The following MBP variants were observed in gnomAD, a reference collection of about 807,000 sequenced individuals.
The protein encoded by MBP is myelin basic protein.
Under a neutral mutation model 35.8 loss-of-function variants are expected in MBP, and 16 were observed. That is an observed-to-expected ratio of 0.45 (90% CI 0.30 to 0.68). MBP has a LOEUF of 0.68. Among genes scored for constraint, MBP ranks in the 30% least tolerant of loss-of-function variants. The pLI is 0.08. For synonymous variants in MBP, 143 were observed against 159.6 expected, an observed-to-expected ratio of 0.90 and a Z score of 0.78; for missense variants, 380 against 404.7, an observed-to-expected ratio of 0.94 and a Z score of 0.52.
intron 3 of MBP, among the ~76,000 whole-genome samples, chr18:77,051,754 G>C (rs1973497002): frequency 6.6e-6 from 1 of 152,236 alleles, no homozygotes; most frequent in South Asian, 2.1e-4. Context: ...GCAGTGGTGT[G>C]ACAGTGATGG....
intron 2 of MBP, among the ~76,000 whole-genome samples, chr18:77,076,910 G>A (rs566198029): frequency 1.2e-4 from 18 of 152,274 alleles, no homozygotes; most frequent in South Asian, 4.2e-4. Flanking sequence ...ATAGCTTTGC[G>A]ATCAAGGGCA....
In MBP at chr18:77,105,281, C is replaced by T; in HGVS notation, c.-20G>A. The stretch of plus-strand genomic sequence containing the variant: ...TCCCATCCTGAATGGATTGGCTCTT[C>T]AGAGGCTAAAAGAGAAAGAGAAAGT... On this transcript the variant is annotated 5_prime_UTR_variant, in exon 2 of 9. Coordinates refer to ENST00000355994, the MANE Select transcript of MBP (RefSeq NM_001025101.2). The T allele has an allele frequency of 6.2e-7, 1 of 1,606,546 alleles. No homozygotes were observed. Among genetic ancestry groups the T allele is most frequent in the Non-Finnish European group, 8.5e-7 (1 of 1,173,780 alleles).
intron 2 of MBP, among the ~76,000 whole-genome samples, chr18:77,074,753 T>A (rs1251421668): frequency 1.3e-5 from 2 of 152,210 alleles, no homozygotes; most frequent in Non-Finnish European, 2.9e-5. Flanking sequence ...CTCAGTTCAG[T>A]GCAGAACGCC....
chr18:76,988,041 CTTTT>C lies in MBP; in HGVS notation c.750+450_750+453del. 7.1e-7 allele frequency: 1 copy of C among 1,407,800 alleles called. No individual in the cohort carries two copies. Among genetic ancestry groups the C allele is most frequent in the South Asian group, 1.5e-5 (1 of 67,508 alleles). The allele number at this position is 1,407,800 out of a possible 1,614,324, so 87.2% of individuals were successfully genotyped here. A position where few individuals can be genotyped will look rare whatever the true frequency, so the allele number is the denominator to read the frequency against. On this transcript the variant is annotated intron_variant, in intron 7 of 8. Coordinates refer to ENST00000355994, the MANE Select transcript of MBP (RefSeq NM_001025101.2). This position sits in a 1 kb window ranked among gnomAD's most constrained non-coding sequence, Gnocchi z 5.2. ...TAAATCGAGCAACTCTATTTAGCCT[CTTTT>C]TCTGTTCATCAGCAGAATCATTTTC...
intron 1 of MBP, among the ~76,000 whole-genome samples, chr18:77,129,167 A>G (rs1977157182): frequency 6.6e-6 from 1 of 152,232 alleles, no homozygotes; most frequent in Non-Finnish European, 1.5e-5. Flanking sequence ...CTGGCCTCAC[A>G]TAGGTCTGTT....
chr18:77,105,090 C>T, intron 2 of MBP, 121 bp downstream of exon 2: 1 of 653,330 alleles, frequency 1.5e-6, no homozygotes, highest in Non-Finnish European at 2.7e-6. Context: ...CAGGCTTCCA[C>T]CCAGCTGTCA....
intron 4 of MBP, chr18:77,013,795 C>T: frequency 1.0e-6 from 1 of 985,472 alleles, no homozygotes; most frequent in Non-Finnish European, 1.2e-6. Flanking sequence ...GCTTTGGGAA[C>T]TATCCAAGTG....
At chr18:77,084,020 T>A (rs35099759) in intron 2 of MBP, among the ~76,000 whole-genome samples, 88,989 of 148,726 alleles carry the variant, frequency 0.6, 26,654 homozygotes, top group East Asian at 0.67. Context: ...TTTTTTTTTT[T>A]AAAAAACCCA....
In MBP at chr18:77,017,336, C is replaced by T. The variant is rs551724414; in HGVS notation, c.140-68G>A. On this transcript the variant is annotated intron_variant, in intron 3 of 8. Coordinates refer to ENST00000355994, the MANE Select transcript of MBP (RefSeq NM_001025101.2). Reference sequence around the variant, plus strand: ...TGAGCACCGGACAAAGCAGCTTTCTCTGAGGGGTCTTGACCTAGCTGTCTC... The same window carrying T: ...TGAGCACCGGACAAAGCAGCTTTCTTTGAGGGGTCTTGACCTAGCTGTCTC... 160 of 1,415,410 alleles carry T rather than the reference C, an allele frequency of 1.1e-4. No homozygotes were observed. In the East Asian group the frequency reaches 3.7e-3, roughly 33 times the overall value. 87.7% of individuals were successfully genotyped at this position (1,415,410 alleles called of 1,614,324 possible). A position where few individuals can be genotyped will look rare whatever the true frequency, so the allele number is the denominator to read the frequency against.
chr18:77,071,413 TC>T (rs1158700839), intron 2 of MBP, among the ~76,000 whole-genome samples: 2 of 152,232 alleles, frequency 1.3e-5, no homozygotes, highest in Non-Finnish European at 2.9e-5. Context: ...CCTAAGCTTG[TC>T]CAGCCCATCT....
chr18:77,020,902 T>C lies in MBP; in HGVS notation c.140-3634A>G, dbSNP rs1256560742. Among the ~76,000 whole-genome samples the C allele has an allele frequency of 6.6e-6, 1 of 152,208 alleles. No homozygotes were observed. The highest frequency in any genetic ancestry group is 1.9e-4 in the East Asian group (1 of 5,204). The stretch of plus-strand genomic sequence containing the variant: ...CAGTGTGAACTCTTTTCTGCACAAT[T>C]ACTAAGAGGCAGGAAAGTCATAAAG... On this transcript the variant is annotated intron_variant, in intron 3 of 8. Coordinates refer to ENST00000355994, the MANE Select transcript of MBP (RefSeq NM_001025101.2). The surrounding 1 kb of genome is among the most constrained non-coding windows in gnomAD (Gnocchi z 4.1).
intron 2 of MBP, among the ~76,000 whole-genome samples, chr18:77,077,343 G>T (rs185530088): frequency 3.8e-5 from 5 of 130,784 alleles, no homozygotes; most frequent in African/African-American, 1.5e-4. Flanking sequence ...GGCAACAAGA[G>T]TGAGACTCCG....
In MBP at chr18:77,009,929, G is replaced by A. The variant is rs762399090; in HGVS notation, c.576+6903C>T. The A allele has an allele frequency of 6.3e-7, 1 of 1,577,894 alleles. No individual in the cohort carries two copies. The highest frequency in any genetic ancestry group is 8.6e-7 in the Non-Finnish European group (1 of 1,161,894). ...CGGCCCGGCTTTAGCCAGGGTACCTGCCGGGGGACACAGAGTGGGCTGCGT... is the reference window on the plus strand; with the variant it reads ...CGGCCCGGCTTTAGCCAGGGTACCTACCGGGGGACACAGAGTGGGCTGCGT... On this transcript the variant is annotated intron_variant, in intron 4 of 8. Coordinates refer to ENST00000355994, the MANE Select transcript of MBP (RefSeq NM_001025101.2).
intron 3 of MBP, among the ~76,000 whole-genome samples, chr18:77,049,860 A>G (rs968809018): frequency 6.6e-6 from 1 of 151,884 alleles, no homozygotes; most frequent in South Asian, 2.1e-4. Flanking sequence ...TTGTATTTTT[A>G]GTAGAGATGG....
At chr18:77,111,684 T>C (rs1478758069) in intron 1 of MBP, among the ~76,000 whole-genome samples, 2 of 152,196 alleles carry the variant, frequency 1.3e-5, no homozygotes, top group Admixed American at 1.3e-4. Flanking sequence ...CGTTGGTAAC[T>C]GCTTGGGAGA....
chr18:77,069,936 T>C (rs1434775698), intron 2 of MBP, among the ~76,000 whole-genome samples: 1 of 152,176 alleles, frequency 6.6e-6, no homozygotes, highest in Non-Finnish European at 1.5e-5. Flanking sequence ...CTCTAGGTCA[T>C]ACAGGGACAC....
chr18:77,042,413 C>T (rs974897917), intron 3 of MBP, among the ~76,000 whole-genome samples: 2 of 152,200 alleles, frequency 1.3e-5, no homozygotes, highest in Non-Finnish European at 2.9e-5. Flanking sequence ...GAGTGTCAGG[C>T]TTAACTTTCA....
At chr18:77,066,484 A>G (rs1403323576) in intron 2 of MBP, 99 bp from the exon 3 acceptor site, 1 of 846,950 alleles carries the variant, frequency 1.2e-6, no homozygotes, top group Non-Finnish European at 2.1e-6. Context: ...TTTTTATCAG[A>G]TAATCAGTTT....
chr18:77,054,833 C>T (rs550789651), intron 3 of MBP, among the ~76,000 whole-genome samples: 9 of 152,174 alleles, frequency 5.9e-5, no homozygotes, highest in African/African-American at 1.9e-4. Context: ...TTCCTGTTAG[C>T]GGTGGGTAAT....
Sources: allele counts gnomAD v4.1 joint callset (sites outside exome capture counted in the v4.1 genomes callset), GRCh38; gene constraint gnomAD v4.1.1; non-coding constraint Gnocchi (gnomAD v3.1); transcripts MANE v1.5; gene names NCBI Gene and HGNC (gene_info 2026-07-23, HGNC 2026-07-21).